GRIP1: variants seen among roughly 807,000 people sequenced by gnomAD.
The protein encoded by GRIP1 is glutamate receptor interacting protein 1.
GRIP1 carries 45 observed loss-of-function variants against 129.9 expected under a neutral mutation model. That is an observed-to-expected ratio of 0.35 (90% CI 0.27 to 0.44). The LOEUF is 0.44. Among genes scored for constraint, GRIP1 ranks in the 20% least tolerant of loss-of-function variants. The pLI is 1.00. For synonymous variants in GRIP1, 530 were observed against 520.8 expected (o/e 1.02, Z -0.24); for missense variants, 1,196 against 1,396.8 (o/e 0.86, Z 2.29).
At chr12:67,046,707 A>G (rs760915079) in intron 1 of GRIP1, among the ~76,000 whole-genome samples, 3 of 152,192 alleles carry the variant, frequency 2.0e-5, no homozygotes, top group Non-Finnish European at 4.4e-5. Flanking sequence ...TCTATCTAAA[A>G]CATTTCAAAA....
intron 1 of GRIP1, among the ~76,000 whole-genome samples, chr12:66,658,081 T>C (rs1182754291): frequency 6.6e-6 from 1 of 152,106 alleles, no homozygotes; most frequent in Non-Finnish European, 1.5e-5. Context: ...GTGAAAGTAA[T>C]GGTATGAAAT....
intron 1 of GRIP1, among the ~76,000 whole-genome samples, chr12:66,831,193 A>T (rs1476434059): frequency 2.6e-5 from 4 of 152,262 alleles, no homozygotes; most frequent in Middle Eastern, 3.4e-3. Flanking sequence ...AAAAAAAGTA[A>T]TATCTGAATT....
chr12:66,353,362 A>C, intron 24 of GRIP1, 55 bp downstream of exon 24: 1 of 1,256,982 alleles, frequency 8.0e-7, no homozygotes, highest in Non-Finnish European at 1.2e-6. Flanking sequence ...GATGTGGAGG[A>C]AGCTCCCAGT....
intron 8 of GRIP1, 78 bp from the exon 9 acceptor site, chr12:66,463,171 A>T: frequency 8.2e-7 from 1 of 1,222,378 alleles, no homozygotes; most frequent in East Asian, 2.4e-5. Context: ...TCATAGTTAA[A>T]ATTTCACAGT....
chr12:66,546,417 G>T (rs2061948002), intron 2 of GRIP1, among the ~76,000 whole-genome samples: 2 of 152,028 alleles, frequency 1.3e-5, no homozygotes, highest in South Asian at 4.1e-4. Flanking sequence ...TTGAGCCTGG[G>T]AGGTCAAGGC....
At chr12:66,824,084 T>C (rs926999256) in intron 1 of GRIP1, among the ~76,000 whole-genome samples, 2 of 152,178 alleles carry the variant, frequency 1.3e-5, no homozygotes, top group Admixed American at 1.3e-4. Context: ...TCAAGTTTAA[T>C]AGCATTAGCA....
chr12:66,714,211 C>CT (rs561233010), intron 1 of GRIP1, among the ~76,000 whole-genome samples: 281 of 152,002 alleles, frequency 1.8e-3, no homozygotes, highest in Non-Finnish European at 3.5e-3. Context: ...CTACTGAGGA[C>CT]TTTTTTTAGA....
intron 1 of GRIP1, among the ~76,000 whole-genome samples, chr12:66,928,420 A>G (rs1467211053): frequency 1.3e-5 from 2 of 152,224 alleles, no homozygotes; most frequent in Non-Finnish European, 2.9e-5. Context: ...TATTCTCCAG[A>G]ACACTTAGAA....
At chr12:66,773,146 A>T (rs1592831519) in intron 1 of GRIP1, among the ~76,000 whole-genome samples, 1 of 152,304 alleles carries the variant, frequency 6.6e-6, no homozygotes, top group East Asian at 1.9e-4. Flanking sequence ...TGAGGTCCGC[A>T]TTTACCTTCA....
intron 1 of GRIP1, among the ~76,000 whole-genome samples, chr12:67,055,647 A>G (rs2043422453): frequency 6.6e-6 from 1 of 152,240 alleles, no homozygotes; most frequent in African/African-American, 2.4e-5. Context: ...TTTAAAATGC[A>G]AGAATATACA....
At chr12:67,022,778 C>G (rs774122131) in intron 1 of GRIP1, among the ~76,000 whole-genome samples, 2 of 152,052 alleles carry the variant, frequency 1.3e-5, no homozygotes, top group Non-Finnish European at 2.9e-5. Flanking sequence ...CCACGTGGTA[C>G]TGAGGTTTGA....
At chr12:66,371,071 A>G (rs1039461543) in intron 23 of GRIP1, among the ~76,000 whole-genome samples, 15 of 152,054 alleles carry the variant, frequency 9.9e-5, no homozygotes, top group African/African-American at 3.6e-4. Flanking sequence ...TTCCCCTTCC[A>G]ATGAGATTGG....
At chr12:66,875,081 A>C (rs1314121265) in intron 1 of GRIP1, among the ~76,000 whole-genome samples, 4 of 152,090 alleles carry the variant, frequency 2.6e-5, no homozygotes, top group African/African-American at 7.2e-5. Flanking sequence ...CATACAATGT[A>C]GGCATTTAAT....
At chr12:66,657,235 A>C (rs1565946500) in intron 1 of GRIP1, among the ~76,000 whole-genome samples, 1 of 152,174 alleles carries the variant, frequency 6.6e-6, no homozygotes, top group South Asian at 2.1e-4. Flanking sequence ...CCTGAAAGGA[A>C]GATGATGATG....
At chr12:67,042,700 C>A (rs2043198031) in intron 1 of GRIP1, among the ~76,000 whole-genome samples, 1 of 152,086 alleles carries the variant, frequency 6.6e-6, no homozygotes, top group Admixed American at 6.6e-5. Context: ...GGACTGAGGA[C>A]AATTTAGTGG....
At chr12:66,746,252 T>C (rs1233064632) in intron 1 of GRIP1, among the ~76,000 whole-genome samples, 1 of 152,024 alleles carries the variant, frequency 6.6e-6, no homozygotes, top group Non-Finnish European at 1.5e-5. Flanking sequence ...TAAAAGAAAA[T>C]TTATAAATGA....
chr12:66,430,259 G>A (rs2058109094), intron 14 of GRIP1, among the ~76,000 whole-genome samples: 1 of 152,132 alleles, frequency 6.6e-6, no homozygotes, highest in Admixed American at 6.5e-5. Context: ...CAAAATATGA[G>A]TATTTCCCAT....
chr12:66,649,627 C>T (rs770424107), intron 1 of GRIP1, among the ~76,000 whole-genome samples: 3 of 152,146 alleles, frequency 2.0e-5, no homozygotes, highest in Non-Finnish European at 4.4e-5. Flanking sequence ...TAAATGCCAT[C>T]GAGCATCCCC....
intron 7 of GRIP1, among the ~76,000 whole-genome samples, chr12:66,470,565 C>T (rs961823815): frequency 1.1e-4 from 16 of 152,078 alleles, no homozygotes; most frequent in Non-Finnish European, 1.2e-4. Context: ...GCAGTGGACA[C>T]GATGAAGAGG....
Sources: allele counts gnomAD v4.1 joint callset (sites outside exome capture counted in the v4.1 genomes callset), GRCh38; gene constraint gnomAD v4.1.1; transcripts MANE v1.5; gene names NCBI Gene and HGNC (gene_info 2026-07-23, HGNC 2026-07-21).